Variants in STK32A observed in about 807,000 individuals in gnomAD.
STK32A encodes serine/threonine kinase 32A.
Under a neutral mutation model 53.2 loss-of-function variants are expected in STK32A, and 41 were observed. The observed-to-expected ratio is 0.77, with a 90% CI of 0.60 to 1.00. The LOEUF (loss-of-function observed/expected upper bound fraction) is 1.00, where lower values mean the gene tolerates loss of function less well. Ranked by LOEUF, STK32A falls within the 50% of genes least tolerant of loss-of-function variation. The pLI is 0.00. For synonymous variants in STK32A, 166 were observed against 162.8 expected, an observed-to-expected ratio of 1.02 and a Z score of -0.15; for missense variants, 458 against 485.8, an observed-to-expected ratio of 0.94 and a Z score of 0.54.
chr5:147,317,836 G>A (rs1031901595), intron 4 of STK32A, among the ~76,000 whole-genome samples: 2 of 152,008 alleles, frequency 1.3e-5, no homozygotes, highest in Non-Finnish European at 2.9e-5. Flanking sequence ...AAAGATTGAG[G>A]ATCTCAGGAC....
intron 5 of STK32A, among the ~76,000 whole-genome samples, chr5:147,327,700 C>G (rs533853212): frequency 2.6e-5 from 4 of 152,166 alleles, no homozygotes; most frequent in Non-Finnish European, 5.9e-5. Context: ...GCACTTTGTC[C>G]CCATTTCACC....
intron 6 of STK32A, among the ~76,000 whole-genome samples, chr5:147,347,767 T>C (rs144957441): frequency 1.3e-5 from 2 of 152,250 alleles, no homozygotes; most frequent in African/African-American, 4.8e-5. Context: ...AGCAGTCAAA[T>C]TTCATTTTCA....
chr5:147,242,959 T>C (rs1194483628), intron 2 of STK32A, among the ~76,000 whole-genome samples: 1 of 152,184 alleles, frequency 6.6e-6, no homozygotes, highest in East Asian at 1.9e-4. Flanking sequence ...ACAACATTAA[T>C]GCTTATGTCA....
intron 2 of STK32A, among the ~76,000 whole-genome samples, chr5:147,243,738 C>CAAAAAA (rs377312425): frequency 5.2e-5 from 7 of 134,676 alleles, no homozygotes; most frequent in Non-Finnish European, 4.8e-5. Context: ...AGACTCTGTC[C>CAAAAAA]AAAAAAAAAC....
At chr5:147,302,509 G>A (rs1005397060) in intron 4 of STK32A, among the ~76,000 whole-genome samples, 3 of 152,194 alleles carry the variant, frequency 2.0e-5, no homozygotes, top group African/African-American at 7.2e-5. Context: ...ATTAGTCAAA[G>A]TGGTCTTTTT....
intron 5 of STK32A, among the ~76,000 whole-genome samples, chr5:147,336,991 A>G (rs994854225): frequency 6.6e-6 from 1 of 152,160 alleles, no homozygotes; most frequent in African/African-American, 2.4e-5. Context: ...ATTTTCATGT[A>G]CATGTACCGG....
intron 4 of STK32A, among the ~76,000 whole-genome samples, chr5:147,296,288 G>A (rs1752861484): frequency 6.6e-6 from 1 of 152,066 alleles, no homozygotes; most frequent in African/African-American, 2.4e-5. Flanking sequence ...GGAATTAAAG[G>A]AAGTAAAGTA....
intron 6 of STK32A, among the ~76,000 whole-genome samples, chr5:147,347,521 T>A (rs946901804): frequency 4.6e-5 from 7 of 152,132 alleles, no homozygotes; most frequent in African/African-American, 1.7e-4. Context: ...TGGGAGGTGA[T>A]ATCAGCAGCT....
chr5:147,277,446 C>T (rs572261068), intron 2 of STK32A, among the ~76,000 whole-genome samples: 4 of 152,226 alleles, frequency 2.6e-5, no homozygotes, highest in South Asian at 2.1e-4. Flanking sequence ...CGTGGAGGAT[C>T]GACTCTACTT....
chr5:147,348,728 G>A (rs1438489451), intron 6 of STK32A: 2 of 772,848 alleles, frequency 2.6e-6, no homozygotes, highest in African/African-American at 3.4e-5. Context: ...CACTGAATTG[G>A]AGTTTCAGGA....
chr5:147,390,324 G>T (rs938402400), downstream of STK32A, among the ~76,000 whole-genome samples: 9 of 152,094 alleles, frequency 5.9e-5, no homozygotes, highest in Admixed American at 2.6e-4. Context: ...AGCAAATAAT[G>T]CTTCCGTACA....
At chr5:147,345,562 T>C (rs1251662099) in intron 6 of STK32A, among the ~76,000 whole-genome samples, 2 of 152,212 alleles carry the variant, frequency 1.3e-5, no homozygotes, top group South Asian at 2.1e-4. Context: ...ATATACCAAA[T>C]ATTCTGCTTG....
chr5:147,341,687 T>G lies in STK32A; in HGVS notation c.435-1319T>G, dbSNP rs576157258. On this transcript the variant is annotated intron_variant, in intron 5 of 12. Transcript: ENST00000397936. ...AGGATGTTATAAGGCCTATAGTTAT[T>G]TAATTATTAATCCTGGGGTAGTTAG... Among the ~76,000 whole-genome samples, 14 of 152,218 alleles carry G rather than the reference T, an allele frequency of 9.2e-5. No individual in the cohort carries two copies. In the East Asian group the frequency reaches 2.5e-3, roughly 27 times the overall value.
At chr5:147,262,740 C>T (rs1754638550) in intron 2 of STK32A, among the ~76,000 whole-genome samples, 1 of 152,076 alleles carries the variant, frequency 6.6e-6, no homozygotes, top group African/African-American at 2.4e-5. Context: ...AAGAGACAGG[C>T]AGAAGAGCTT....
At chr5:147,338,344 C>A (rs919541506) in intron 5 of STK32A, among the ~76,000 whole-genome samples, 3 of 152,128 alleles carry the variant, frequency 2.0e-5, no homozygotes, top group African/African-American at 7.2e-5. Context: ...TCACCTTCTG[C>A]CATGATTGTG....
At chr5:147,389,637 G>A (rs1757749657), downstream of STK32A, among the ~76,000 whole-genome samples, 1 of 152,178 alleles carries the variant, frequency 6.6e-6, no homozygotes, top group Admixed American at 6.5e-5. Flanking sequence ...GAGAGGCCGA[G>A]GCGGGTGGAT....
rs549414209 is a variant in STK32A at position 147,360,843 on chromosome 5, G to C, written c.563-674G>C. ...TAGAAGGGTAAGTAAAAGGTTCATAGTGTGTCAAAGTGCTTAGAGAATGCA... is the reference window on the plus strand; with the variant it reads ...TAGAAGGGTAAGTAAAAGGTTCATACTGTGTCAAAGTGCTTAGAGAATGCA... On this transcript the variant is annotated intron_variant, in intron 7 of 12. Transcript: ENST00000397936. 3.3e-5 allele frequency among the ~76,000 whole-genome samples: 5 copies of C among 152,340 alleles called. No homozygotes were observed. In the South Asian group the frequency reaches 1.0e-3, roughly 32 times the overall value.
chr5:147,258,845 G>T (rs1754357183), intron 2 of STK32A, among the ~76,000 whole-genome samples: 1 of 152,012 alleles, frequency 6.6e-6, no homozygotes, highest in Non-Finnish European at 1.5e-5. Context: ...CTAAGTTTGG[G>T]ATTTCAATTA....
At chr5:147,283,965 A>T (rs1752193569) in intron 4 of STK32A, among the ~76,000 whole-genome samples, 1 of 152,114 alleles carries the variant, frequency 6.6e-6, no homozygotes, top group Non-Finnish European at 1.5e-5. Flanking sequence ...AAAGAACATA[A>T]CCTAAAAAGA....
Sources: allele counts gnomAD v4.1 joint callset (sites outside exome capture counted in the v4.1 genomes callset), GRCh38; gene constraint gnomAD v4.1.1; transcripts MANE v1.5; gene names NCBI Gene and HGNC (gene_info 2026-07-23, HGNC 2026-07-21).